The following FAM169A variants were observed in gnomAD, a reference collection of about 807,000 sequenced individuals.
FAM169A encodes family with sequence similarity 169 member A, also known as soluble lamin-associated protein of 75 kDa.
FAM169A carries 24 observed loss-of-function variants against 75.7 expected under a neutral mutation model. The observed-to-expected ratio is 0.32, with a 90% CI of 0.23 to 0.45. The LOEUF (loss-of-function observed/expected upper bound fraction) is 0.45. Among genes scored for constraint, FAM169A ranks in the 20% least tolerant of loss-of-function variants. The pLI is 1.00. For missense variants in FAM169A, 673 were observed against 784.0 expected (o/e 0.86, Z 1.69); for synonymous variants, 271 against 271.0 (o/e 1.00, Z 0.00).
intron 5 of FAM169A, among the ~76,000 whole-genome samples, chr5:74,828,455 A>G (rs1748146053): frequency 6.6e-6 from 1 of 152,164 alleles, no homozygotes; most frequent in African/African-American, 2.4e-5. Flanking sequence ...GAGAAGGAAG[A>G]TAATTTATTC....
chr5:74,826,890 A>G (rs145470333), intron 5 of FAM169A, among the ~76,000 whole-genome samples: 2 of 152,288 alleles, frequency 1.3e-5, no homozygotes, highest in Non-Finnish European at 2.9e-5. Flanking sequence ...TTAGTTTAAT[A>G]TATCCCTAAA....
At chr5:74,830,855 C>T (rs1403087879) in intron 5 of FAM169A, among the ~76,000 whole-genome samples, 1 of 152,058 alleles carries the variant, frequency 6.6e-6, no homozygotes, top group Non-Finnish European at 1.5e-5. Flanking sequence ...TTTGCATTTT[C>T]ATAATTTCGC....
At position 74,784,510 on chromosome 5, in the gene FAM169A, C is replaced by CAAAAAAAAAA. The variant is rs200414695; in HGVS notation, c.1261-1386_1261-1377dup. Among the ~76,000 whole-genome samples the CAAAAAAAAAA allele has an allele frequency of 7.0e-4, 21 of 29,864 alleles. 6 individuals carry two copies. The highest frequency in any genetic ancestry group is 4.1e-3 in the African/African-American group (20 of 4,896). The allele number at this position is 29,864 out of a possible 152,430, so 19.6% of individuals were successfully genotyped here. ...AGGGAGACAGAGCAAGACTCCGTCT[C>CAAAAAAAAAA]AAAAAAAAAAAAAAAAAAACAAGAA... is the stretch of plus-strand genomic sequence containing the variant. On this transcript the variant is annotated intron_variant, in intron 11 of 12. Coordinates refer to ENST00000687041, the MANE Select transcript of FAM169A (RefSeq NM_001376049.1).
chr5:74,784,669 AGC>A (rs1167390314), intron 11 of FAM169A, among the ~76,000 whole-genome samples: 3 of 149,972 alleles, frequency 2.0e-5, no homozygotes, highest in Non-Finnish European at 4.4e-5. Context: ...CTGTAATCCC[AGC>A]ACTTTGGGAG....
intron 11 of FAM169A, among the ~76,000 whole-genome samples, chr5:74,786,869 C>G (rs986369543): frequency 6.6e-6 from 1 of 152,092 alleles, no homozygotes; most frequent in Non-Finnish European, 1.5e-5. Flanking sequence ...AGAATGGGAC[C>G]CTGCAACTTG....
At chr5:74,796,450 G>C (rs1746281348) in intron 10 of FAM169A, among the ~76,000 whole-genome samples, 1 of 151,034 alleles carries the variant, frequency 6.6e-6, no homozygotes. Context: ...CTGTTGCCCA[G>C]GCTGGAGTGC....
At chr5:74,824,301 T>C (rs564740709) in intron 5 of FAM169A, among the ~76,000 whole-genome samples, 4 of 152,232 alleles carry the variant, frequency 2.6e-5, no homozygotes, top group African/African-American at 7.2e-5. Context: ...GTGACCTCAA[T>C]TGTGTTCTCT....
intron 1 of FAM169A, among the ~76,000 whole-genome samples, chr5:74,844,478 A>G (rs1274523207): frequency 6.6e-6 from 1 of 151,910 alleles, no homozygotes; most frequent in Non-Finnish European, 1.5e-5. Context: ...AAACAAAAAA[A>G]GAAAAGAAAA....
intron 5 of FAM169A, among the ~76,000 whole-genome samples, chr5:74,830,409 G>A (rs1373012840): frequency 6.6e-6 from 1 of 152,016 alleles, no homozygotes; most frequent in Non-Finnish European, 1.5e-5. Context: ...ATAAGTAGAG[G>A]GACTGTTAAC....
chr5:74,842,124 AAT>A (rs200088996), intron 1 of FAM169A, among the ~76,000 whole-genome samples: 7 of 149,910 alleles, frequency 4.7e-5, no homozygotes, highest in East Asian at 2.0e-4. Context: ...AAAAAAAAAA[AAT>A]CTAAAAAAAA....
chr5:74,802,128 A>G (rs1746613290), intron 8 of FAM169A, among the ~76,000 whole-genome samples: 1 of 152,234 alleles, frequency 6.6e-6, no homozygotes, highest in African/African-American at 2.4e-5. Context: ...CTAGCCAGAA[A>G]ACAGTGAGTC....
chr5:74,863,898 C>CA (rs1428036846), intron 1 of FAM169A, among the ~76,000 whole-genome samples: 1 of 152,162 alleles, frequency 6.6e-6, no homozygotes, highest in Non-Finnish European at 1.5e-5. Flanking sequence ...TCTCATTCCC[C>CA]ATAGGCCTAG....
At chr5:74,858,837 T>C (rs115224316) in intron 1 of FAM169A, among the ~76,000 whole-genome samples, 2,206 of 152,276 alleles carry the variant, frequency 0.014, 50 homozygotes, top group African/African-American at 0.047. Context: ...AACAATGCCA[T>C]ATCTAAAATT....
chr5:74,783,993 T>A (rs1225778134), intron 11 of FAM169A, among the ~76,000 whole-genome samples: 2 of 152,080 alleles, frequency 1.3e-5, no homozygotes, highest in Non-Finnish European at 2.9e-5. Flanking sequence ...TTTATTAAAT[T>A]GTTCTAAAAT....
At chr5:74,789,109 T>G (rs1171516283) in intron 11 of FAM169A, among the ~76,000 whole-genome samples, 1 of 152,192 alleles carries the variant, frequency 6.6e-6, no homozygotes, top group Non-Finnish European at 1.5e-5. Context: ...GTATATCAAC[T>G]CTCCAGATTT....
intron 11 of FAM169A, among the ~76,000 whole-genome samples, chr5:74,784,994 A>G (rs1413149025): frequency 2.0e-5 from 3 of 151,926 alleles, no homozygotes; most frequent in Non-Finnish European, 2.9e-5. Context: ...AACAGGTTAC[A>G]TGAAGTATGT....
intron 9 of FAM169A, 116 bp from the exon 10 acceptor site, chr5:74,801,146 C>G: frequency 1.5e-6 from 1 of 669,100 alleles, no homozygotes; most frequent in Non-Finnish European, 2.3e-6. Flanking sequence ...CCACATTACA[C>G]AGGTTCACCC....
At chr5:74,826,962 A>G (rs998020706) in intron 5 of FAM169A, among the ~76,000 whole-genome samples, 5 of 152,124 alleles carry the variant, frequency 3.3e-5, no homozygotes, top group Non-Finnish European at 7.4e-5. Context: ...ACTATGGCTG[A>G]TTGTCAGTTA....
intron 11 of FAM169A, among the ~76,000 whole-genome samples, chr5:74,788,968 C>T (rs1745835337): frequency 6.6e-6 from 1 of 152,218 alleles, no homozygotes; most frequent in Non-Finnish European, 1.5e-5. Flanking sequence ...TAACATATCT[C>T]CTGGTACCTG....
Sources: allele counts gnomAD v4.1 joint callset (sites outside exome capture counted in the v4.1 genomes callset), GRCh38; gene constraint gnomAD v4.1.1; transcripts MANE v1.5; gene names NCBI Gene and HGNC (gene_info 2026-07-23, HGNC 2026-07-21).